AREL1: variants seen among roughly 807,000 people sequenced by gnomAD.
AREL1 encodes the protein apoptosis-resistant E3 ubiquitin protein ligase 1.
AREL1 carries 62 observed loss-of-function variants against 99.0 expected under a neutral mutation model. The ratio of observed to expected loss-of-function variants is 0.63; its 90% confidence interval spans 0.51 to 0.77. The LOEUF (loss-of-function observed/expected upper bound fraction) is 0.77. AREL1 is among the 30% of genes least tolerant of loss of function. AREL1 has a pLI of 0.00. For synonymous variants in AREL1, 380 were observed against 376.5 expected (o/e 1.01, Z -0.11); for missense variants, 879 against 1,027.6 (o/e 0.86, Z 1.98).
At chr14:74,690,446 T>G (rs2089853293) in intron 2 of AREL1, among the ~76,000 whole-genome samples, 1 of 152,182 alleles carries the variant, frequency 6.6e-6, no homozygotes, top group Non-Finnish European at 1.5e-5. Flanking sequence ...TAACAGTATA[T>G]TCACTTGAGC....
intron 2 of AREL1, among the ~76,000 whole-genome samples, chr14:74,687,660 T>C (rs1480182001): frequency 1.3e-5 from 2 of 152,198 alleles, no homozygotes; most frequent in Non-Finnish European, 2.9e-5. Flanking sequence ...AGTTTCCTTA[T>C]ATGTACCTCA....
rs1566708567 is a variant in AREL1 at position 74,710,257 on chromosome 14, C to T, written c.-334+2676G>A. 3.9e-5 allele frequency among the ~76,000 whole-genome samples: 6 copies of T among 152,282 alleles called. No individual in the cohort carries two copies. In the East Asian group the frequency reaches 1.2e-3, roughly 29 times the overall value. ...CAAATTTTTCTAAGTATGTTCTTAT[C>T]CCCCATGGTGTTCCTACACTAATTT... is the stretch of plus-strand genomic sequence containing the variant. On this transcript the variant is annotated intron_variant, in intron 1 of 19. Coordinates refer to ENST00000356357, the MANE Select transcript of AREL1 (RefSeq NM_001039479.2).
chr14:74,698,822 A>C (rs1301946688), intron 1 of AREL1: 1 of 259,902 alleles, frequency 3.8e-6, no homozygotes, highest in Admixed American at 3.6e-5. Context: ...CCAGGAGTTC[A>C]AGACCAATCT....
Position 74,670,760 on chromosome 14 carries a change from A to T in AREL1, c.1608+2T>A. 1 of 1,613,476 alleles carries T rather than the reference A, an allele frequency of 6.2e-7. No individual in the cohort carries two copies. Among genetic ancestry groups the T allele is most frequent in the Non-Finnish European group, 8.5e-7 (1 of 1,179,436 alleles). On this transcript the variant is annotated splice_donor_variant, in intron 13 of 19. Transcript: ENST00000356357. LOFTEE classifies it high-confidence loss of function. ...TTTTCCACCCACCCGTCACCAACTC[A>T]CTAATGCTTGGTTGTTGTCACTGAA... is the stretch of plus-strand genomic sequence containing the variant.
intron 7 of AREL1, 47 bp downstream of exon 7, chr14:74,676,094 G>C (rs1325882352): frequency 1.3e-6 from 2 of 1,587,536 alleles, no homozygotes; most frequent in Non-Finnish European, 8.6e-7. Context: ...AACAGGCAAA[G>C]AAACGGCTGA....
chr14:74,682,288 A>G (rs567192788), intron 5 of AREL1, among the ~76,000 whole-genome samples: 1 of 152,316 alleles, frequency 6.6e-6, no homozygotes, highest in East Asian at 1.9e-4. Flanking sequence ...TTTCACTTCA[A>G]AAGTTACCCA....
At chr14:74,692,477 T>A in intron 1 of AREL1, 149 bp from the exon 2 acceptor site, 1 of 334,208 alleles carries the variant, frequency 3.0e-6, no homozygotes. Flanking sequence ...TGACCAAGCA[T>A]TCTCAATTAA....
At chr14:74,674,621 A>T (rs962676897) in intron 8 of AREL1, among the ~76,000 whole-genome samples, 13 of 152,162 alleles carry the variant, frequency 8.5e-5, no homozygotes, top group Non-Finnish European at 1.3e-4. Context: ...AATAAATAAA[A>T]AAAATATGAC....
rs2089776220 is a variant in AREL1, at chr14:74,687,588, C to T, written c.-45-1928G>A. Among the ~76,000 whole-genome samples the T allele has an allele frequency of 2.0e-5, 3 of 152,126 alleles. No homozygotes were observed. In the South Asian group the frequency reaches 6.2e-4, roughly 31 times the overall value. ...AGAGTTAGATTACCTGGCTTCAAAT[C>T]CATGCCCCATCATTCATAATGTGAC... On this transcript the variant is annotated intron_variant, in intron 2 of 19. Coordinates refer to ENST00000356357, the MANE Select transcript of AREL1 (RefSeq NM_001039479.2).
At chr14:74,712,064 AAAAGAAAAAAAAAG>A (rs2090315358) in intron 1 of AREL1, 4 of 47,782 alleles carry the variant, frequency 8.4e-5, no homozygotes, top group East Asian at 5.9e-4. Flanking sequence ...AAAAAAAAAA[AAAAGAAAAAAAAAG>A]AAAGAAAGAA....
At chr14:74,706,924 G>C (rs1233139372) in intron 1 of AREL1, among the ~76,000 whole-genome samples, 1 of 152,122 alleles carries the variant, frequency 6.6e-6, no homozygotes, top group Non-Finnish European at 1.5e-5. Context: ...ACAATGCTTT[G>C]GGGGTCAAGG....
chr14:74,696,466 G>A (rs184941159), intron 1 of AREL1, among the ~76,000 whole-genome samples: 188 of 152,102 alleles, frequency 1.2e-3, no homozygotes, highest in African/African-American at 4.2e-3. Context: ...CTAGTATCTC[G>A]GGGACCAAAT....
In AREL1 at chr14:74,661,438, G is replaced by T. The variant is rs1034022667; in HGVS notation, c.*2282C>A. On this transcript the variant is annotated 3_prime_UTR_variant, in exon 20 of 20. Transcript: ENST00000356357. ...TGGTCTCCTTCAAAGACGCTAAAAG[G>T]CCAGAAGGGTAGCTGGCCCCCCAAG... 9 of 376,478 alleles carry T rather than the reference G, an allele frequency of 2.4e-5. No individual in the cohort carries two copies. The highest frequency in any genetic ancestry group is 1.7e-4 in the African/African-American group (8 of 46,714). The allele number at this position is 376,478 out of a possible 1,614,324, so 23.3% of individuals were successfully genotyped here.
At chr14:74,683,644 C>A in intron 4 of AREL1, 111 bp from the exon 5 acceptor site, 1 of 882,724 alleles carries the variant, frequency 1.1e-6, no homozygotes, top group Non-Finnish European at 1.8e-6. Context: ...ACCAGTAAAT[C>A]CCAGTACCTA....
intron 17 of AREL1, among the ~76,000 whole-genome samples, chr14:74,666,204 C>T (rs550541329): frequency 2.0e-5 from 3 of 152,200 alleles, no homozygotes; most frequent in African/African-American, 7.2e-5. Flanking sequence ...TACTTTTTCC[C>T]CCATTTTAAA....
intron 2 of AREL1, among the ~76,000 whole-genome samples, chr14:74,689,592 CT>C (rs1057362002): frequency 0.15 from 14,490 of 97,640 alleles, 518 homozygotes; most frequent in South Asian, 0.2. Flanking sequence ...TAGCACTTTT[CT>C]TTTTTTTTTT....
At chr14:74,664,571 C>T (rs1216237408) in intron 18 of AREL1, among the ~76,000 whole-genome samples, 2 of 149,038 alleles carry the variant, frequency 1.3e-5, no homozygotes, top group East Asian at 2.0e-4. Context: ...CTCAGCCTCT[C>T]GAGTAGCTGG....
intron 1 of AREL1, among the ~76,000 whole-genome samples, chr14:74,697,074 G>T (rs984348806): frequency 2.6e-5 from 4 of 152,184 alleles, no homozygotes; most frequent in Non-Finnish European, 5.9e-5. Context: ...AAGCCCAGAA[G>T]TTTGAGGCTA....
In AREL1 at chr14:74,674,017, TG is replaced by T; in HGVS notation, c.1158+16del. On this transcript the variant is annotated intron_variant, in intron 9 of 19. Transcript: ENST00000356357. ...TGAAGCATGCTTGATGTGAACCAGA[TG>T]TAAGGTTCAGCTTACTTTTGTTCCT... 6.3e-7 allele frequency: 1 copy of T among 1,590,864 alleles called. No individual in the cohort carries two copies. The highest frequency in any genetic ancestry group is 8.6e-7 in the Non-Finnish European group (1 of 1,159,156).
Sources: gnomAD v4.1 joint callset for allele counts (sites outside exome capture counted in the v4.1 genomes callset) on GRCh38, gnomAD v4.1.1 for gene constraint, MANE v1.5 for transcripts, NCBI Gene and HGNC (gene_info 2026-07-23, HGNC 2026-07-21) for gene names.